RABGAP1: variants seen among roughly 807,000 people sequenced by gnomAD.
RABGAP1 encodes RAB GTPase activating protein 1, also known as rab GTPase-activating protein 1.
RABGAP1 carries 23 observed loss-of-function variants against 137.6 expected under a neutral mutation model. The observed-to-expected ratio is 0.17, with a 90% CI of 0.12 to 0.24. RABGAP1 has a LOEUF of 0.24. RABGAP1 is among the 10% of genes least tolerant of loss of function. The pLI, the probability that RABGAP1 is intolerant of heterozygous loss-of-function variation, is 1.00. For synonymous variants in RABGAP1, 451 were observed against 450.7 expected (o/e 1.00, Z -0.01); for missense variants, 906 against 1,275.8 (o/e 0.71, Z 4.42).
chr9:123,070,394 G>C lies in RABGAP1; in HGVS notation c.1953G>C (p.Gln651His). 2 of 1,614,084 alleles carry C rather than the reference G, an allele frequency of 1.2e-6. No homozygotes were observed. The highest frequency in any genetic ancestry group is 1.7e-6 in the Non-Finnish European group (2 of 1,179,992). The change falls in exon 15 of 26, where the codon CAG (glutamine) becomes CAC (histidine). Residue 651 changes from glutamine (Q) to histidine (H), a missense_variant. Transcript: ENST00000373647. The surrounding 1 kb of genome is among the most constrained non-coding windows in gnomAD (Gnocchi z 4.4). ...AAGAGATTGGTTATTGCCAGGGCCA[G>C]TCATTTCTTGCTGCTGTGCTCCTTC... Reference protein sequence around the residue: ...YDEEIGYCQGQSFLAAVLLLH... With the variant: ...YDEEIGYCQGHSFLAAVLLLH...
chr9:122,951,611 C>T (rs886704711), intron 1 of RABGAP1, among the ~76,000 whole-genome samples: 8 of 151,082 alleles, frequency 5.3e-5, no homozygotes, highest in Non-Finnish European at 1.2e-4. Context: ...CACTCTGTCA[C>T]TTAGGCTGGA....
intron 2 of RABGAP1, among the ~76,000 whole-genome samples, chr9:122,961,800 T>C (rs1175624997): frequency 2.6e-5 from 4 of 152,154 alleles, no homozygotes; most frequent in Non-Finnish European, 4.4e-5. Context: ...TATAGTATAT[T>C]GTTGGGCCTA....
At chr9:122,995,926 T>C in intron 6 of RABGAP1, 115 bp from the exon 7 acceptor site, 1 of 1,458,426 alleles carries the variant, frequency 6.9e-7, no homozygotes, top group Non-Finnish European at 9.0e-7. Context: ...TTTGTTATTA[T>C]TTGCAAACTA....
intron 13 of RABGAP1, chr9:123,034,106 G>A (rs2032468182): frequency 6.0e-6 from 1 of 167,766 alleles, no homozygotes; most frequent in African/African-American, 2.4e-5. Context: ...GCCTGAGCTA[G>A]CCAGGTTCTT....
intron 1 of RABGAP1, among the ~76,000 whole-genome samples, chr9:122,942,314 C>G (rs2131565879): frequency 6.6e-6 from 1 of 152,168 alleles, no homozygotes; most frequent in Non-Finnish European, 1.5e-5. Flanking sequence ...GACGTGTTGC[C>G]TTAGTTCAAG....
At chr9:123,063,198 C>A (rs923096434) in intron 13 of RABGAP1, 1 of 152,516 alleles carries the variant, frequency 6.6e-6, no homozygotes, top group Admixed American at 6.5e-5. Flanking sequence ...TTCCATATTC[C>A]TCTCCATTCT....
chr9:123,099,326 G>C, intron 23 of RABGAP1, 152 bp from the exon 24 acceptor site: 1 of 685,126 alleles, frequency 1.5e-6, no homozygotes, highest in South Asian at 1.9e-5. Flanking sequence ...AAGAACCCCT[G>C]CTTATCCATC....
chr9:123,021,774 T>G (rs1255168022), intron 13 of RABGAP1, among the ~76,000 whole-genome samples: 1 of 152,252 alleles, frequency 6.6e-6, no homozygotes, highest in African/African-American at 2.4e-5. Context: ...GTTGATATAA[T>G]TGTTTAGCTA....
chr9:122,956,308 T>G (rs1311996263), intron 1 of RABGAP1, among the ~76,000 whole-genome samples: 1 of 152,170 alleles, frequency 6.6e-6, no homozygotes, highest in Non-Finnish European at 1.5e-5. Flanking sequence ...ATGTTAATAT[T>G]TTAAATTTAA....
chr9:123,100,840 A>T (rs1379684048), intron 24 of RABGAP1, among the ~76,000 whole-genome samples: 2 of 152,242 alleles, frequency 1.3e-5, no homozygotes, highest in African/African-American at 4.8e-5. Flanking sequence ...TTTTCCACAT[A>T]TAACATCTTT....
At position 122,990,114 on chromosome 9, in the gene RABGAP1, C is replaced by CG; in HGVS notation, c.824_825insG (p.Leu276ThrfsTer11). 1 of 1,610,632 alleles carries CG rather than the reference C, an allele frequency of 6.2e-7. No individual in the cohort carries two copies. The highest frequency in any genetic ancestry group is 8.5e-7 in the Non-Finnish European group (1 of 1,176,862). On this transcript the variant is annotated frameshift_variant, in exon 6 of 26. Coordinates refer to ENST00000373647, the MANE Select transcript of RABGAP1 (RefSeq NM_012197.4). LOFTEE classifies it high-confidence loss of function. ...TTCCGCCGTTCTGCCAAGCAGACCC[C>CG]ACTTTCAGCCACTGCTGCACCCCAG...
upstream of RABGAP1, chr9:122,940,950 AGGGGGCG>A (rs1833506136): frequency 1.3e-5 from 1 of 75,528 alleles, no homozygotes; most frequent in Non-Finnish European, 2.5e-5. Flanking sequence ...GAGACGGGGC[AGGGGGCG>A]GGGCGGAGGG....
upstream of RABGAP1, among the ~76,000 whole-genome samples, chr9:122,936,205 C>T (rs1427253455): frequency 2.0e-5 from 3 of 152,108 alleles, no homozygotes; most frequent in African/African-American, 7.2e-5. Context: ...TGATTTCTTG[C>T]AATATTATTT....
At chr9:123,026,394 TG>T (rs1333524158) in intron 13 of RABGAP1, among the ~76,000 whole-genome samples, 1 of 152,228 alleles carries the variant, frequency 6.6e-6, no homozygotes, top group Non-Finnish European at 1.5e-5. Flanking sequence ...GGAATGTTAC[TG>T]AATTTTATCA....
chr9:122,949,707 A>G (rs1426843658), intron 1 of RABGAP1, among the ~76,000 whole-genome samples: 1 of 151,136 alleles, frequency 6.6e-6, no homozygotes, highest in Non-Finnish European at 1.5e-5. Context: ...AAAAAAAAAA[A>G]AAAAGGAAAA....
At chr9:123,005,262 C>T (rs2030127372) in intron 10 of RABGAP1, among the ~76,000 whole-genome samples, 1 of 147,814 alleles carries the variant, frequency 6.8e-6, no homozygotes, top group Non-Finnish European at 1.5e-5. Context: ...CATTTGTTTC[C>T]ATTTATTTTA....
intron 13 of RABGAP1, among the ~76,000 whole-genome samples, chr9:123,023,720 C>T (rs1005170559): frequency 6.6e-6 from 1 of 152,028 alleles, no homozygotes; most frequent in South Asian, 2.1e-4. Flanking sequence ...TATAAACATT[C>T]TTGCACACAG....
chr9:123,063,795 G>C (rs2034068304), intron 13 of RABGAP1, among the ~76,000 whole-genome samples: 1 of 152,194 alleles, frequency 6.6e-6, no homozygotes, highest in Non-Finnish European at 1.5e-5. Context: ...TATCAGATAT[G>C]TTTTGTAGGC....
the RABGAP1 span, among the ~76,000 whole-genome samples, chr9:122,932,573 A>G: frequency 1.3e-5 from 2 of 151,292 alleles, no homozygotes; most frequent in African/African-American, 2.4e-5. Context: ...CTTGTTGCCC[A>G]GGCTGGAGTG....
Sources: gnomAD v4.1 joint callset for allele counts (sites outside exome capture counted in the v4.1 genomes callset) on GRCh38, gnomAD v4.1.1 for gene constraint, Gnocchi (gnomAD v3.1) non-coding constraint, MANE v1.5 for transcripts, NCBI Gene and HGNC (gene_info 2026-07-23, HGNC 2026-07-21) for gene names.